The following SYT1 variants were observed in gnomAD, a reference collection of about 807,000 sequenced individuals.
The protein encoded by SYT1 is synaptotagmin-1.
Under a neutral mutation model 44.8 loss-of-function variants are expected in SYT1, and 8 were observed. The observed-to-expected ratio is 0.18, with a 90% CI of 0.10 to 0.32. The LOEUF is 0.32. Ranked by LOEUF, SYT1 falls within the 10% of genes least tolerant of loss-of-function variation. The pLI, the probability that SYT1 is intolerant of heterozygous loss-of-function variation, is 1.00. For synonymous variants in SYT1, 154 were observed against 188.8 expected, an observed-to-expected ratio of 0.82 and a Z score of 1.51; for missense variants, 286 against 509.3, an observed-to-expected ratio of 0.56 and a Z score of 4.22.
chr12:79,164,218 A>G (rs1479707707), intron 3 of SYT1, among the ~76,000 whole-genome samples: 1 of 152,098 alleles, frequency 6.6e-6, no homozygotes, highest in Non-Finnish European at 1.5e-5. Context: ...ACCATCGGGG[A>G]TAAATTACTG....
At chr12:79,160,834 T>A (rs1001112201) in intron 3 of SYT1, among the ~76,000 whole-genome samples, 1 of 152,020 alleles carries the variant, frequency 6.6e-6, no homozygotes, top group African/African-American at 2.4e-5. Flanking sequence ...ATAGTAAAGG[T>A]TTCAAGCATA....
intron 1 of SYT1, among the ~76,000 whole-genome samples, chr12:78,886,740 AG>A (rs1228865333): frequency 6.6e-6 from 1 of 152,036 alleles, no homozygotes; most frequent in Non-Finnish European, 1.5e-5. Context: ...CAGCCAAGAA[AG>A]ACCCACAAAA....
At chr12:79,172,119 A>G (rs1031177966) in intron 3 of SYT1, among the ~76,000 whole-genome samples, 1 of 152,046 alleles carries the variant, frequency 6.6e-6, no homozygotes, top group Non-Finnish European at 1.5e-5. Flanking sequence ...ATTTCTAAAT[A>G]GAGATATAAA....
At chr12:79,034,816 T>C (rs1379471858) in intron 2 of SYT1, among the ~76,000 whole-genome samples, 1 of 151,722 alleles carries the variant, frequency 6.6e-6, no homozygotes, top group Non-Finnish European at 1.5e-5. Context: ...TTTAAAAAGT[T>C]TTATTCTATT....
At chr12:79,248,724 T>C (rs1381398328) in intron 4 of SYT1, among the ~76,000 whole-genome samples, 2 of 152,160 alleles carry the variant, frequency 1.3e-5, no homozygotes, top group Non-Finnish European at 2.9e-5. Context: ...CTGGAATATA[T>C]CAGATTTCAG....
At chr12:78,945,441 C>T (rs973088185) in intron 1 of SYT1, among the ~76,000 whole-genome samples, 7 of 149,386 alleles carry the variant, frequency 4.7e-5, no homozygotes, top group Non-Finnish European at 8.9e-5. Flanking sequence ...TATATTCATA[C>T]ATATTTTACA....
intron 3 of SYT1, among the ~76,000 whole-genome samples, 166 bp from the exon 4 acceptor site, chr12:79,217,337 T>A (rs1465012877): frequency 6.6e-6 from 1 of 152,230 alleles, no homozygotes; most frequent in African/African-American, 2.4e-5. Flanking sequence ...CTCGCTGTGG[T>A]TCCATAAATA....
chr12:79,155,381 G>A (rs1349218269), intron 3 of SYT1, among the ~76,000 whole-genome samples: 1 of 152,108 alleles, frequency 6.6e-6, no homozygotes, highest in African/African-American at 2.4e-5. Flanking sequence ...TGGAAGGCAG[G>A]GACTCCCTAG....
chr12:79,329,052 C>T lies in SYT1; in HGVS notation c.811-24450C>T, dbSNP rs115108162. 1.8e-3 allele frequency among the ~76,000 whole-genome samples: 281 copies of T among 152,172 alleles called. 2 individuals carry two copies. Among genetic ancestry groups the T allele is most frequent in the African/African-American group, 6.5e-3 (269 of 41,524 alleles). Reference sequence around the variant, plus strand: ...CAGTTAGCAGCCAGGTATAACAAACCGCTACAATCATCCGCTCTTTATTGT... The same window carrying T: ...CAGTTAGCAGCCAGGTATAACAAACTGCTACAATCATCCGCTCTTTATTGT... On this transcript the variant is annotated intron_variant, in intron 8 of 10. Coordinates refer to ENST00000261205, the MANE Select transcript of SYT1 (RefSeq NM_005639.3).
At chr12:79,234,154 CCT>C (rs1876038213) in intron 4 of SYT1, among the ~76,000 whole-genome samples, 1 of 152,172 alleles carries the variant, frequency 6.6e-6, no homozygotes, top group Admixed American at 6.6e-5. Context: ...CAAGCCTCTG[CCT>C]CTGGCATTTT....
intron 4 of SYT1, among the ~76,000 whole-genome samples, chr12:79,222,086 GT>G (rs915429973): frequency 6.6e-6 from 1 of 152,036 alleles, no homozygotes; most frequent in Admixed American, 6.6e-5. Flanking sequence ...TCTGTTGGCA[GT>G]TTTTTTCTTC....
At chr12:79,295,297 T>C (rs1879827965) in intron 6 of SYT1, among the ~76,000 whole-genome samples, 1 of 152,142 alleles carries the variant, frequency 6.6e-6, no homozygotes, top group South Asian at 2.1e-4. Context: ...TACCTTAATA[T>C]TCATAATGAG....
chr12:79,381,657 G>C (rs1884228110), intron 9 of SYT1, among the ~76,000 whole-genome samples: 1 of 152,232 alleles, frequency 6.6e-6, no homozygotes, highest in Non-Finnish European at 1.5e-5. Flanking sequence ...TAAAGATTTA[G>C]ATAGTCCTGG....
chr12:79,239,451 C>A (rs1285918285), intron 4 of SYT1, among the ~76,000 whole-genome samples: 3 of 152,128 alleles, frequency 2.0e-5, no homozygotes, highest in Non-Finnish European at 2.9e-5. Context: ...AAAGTATGGA[C>A]TTTAGTTAAC....
chr12:78,878,193 G>T (rs77517663), intron 1 of SYT1, among the ~76,000 whole-genome samples: 2 of 151,492 alleles, frequency 1.3e-5, no homozygotes, highest in African/African-American at 4.8e-5. Flanking sequence ...GAGGATACAC[G>T]AAAGGAATAA....
rs910267528 is a variant in SYT1 at position 79,447,261 on chromosome 12, T to C, written c.1063-1657T>C. ...GGCAACTTTTCTAGTCTTCACCTTT[T>C]TCTAGAAAAAAATAATTGAGTATTT... On this transcript the variant is annotated intron_variant, in intron 10 of 10. Coordinates refer to ENST00000261205, the MANE Select transcript of SYT1 (RefSeq NM_005639.3). 2.4e-4 allele frequency among the ~76,000 whole-genome samples: 36 copies of C among 152,090 alleles called. No homozygotes were observed. The highest frequency in any genetic ancestry group is 7.7e-4 in the African/African-American group (32 of 41,430).
At chr12:79,173,972 C>G (rs1448467870) in intron 3 of SYT1, among the ~76,000 whole-genome samples, 1 of 151,754 alleles carries the variant, frequency 6.6e-6, no homozygotes, top group African/African-American at 2.4e-5. Context: ...TGTTGCTGGA[C>G]AAATGAAACC....
At chr12:78,948,958 ATAT>A (rs1878815605) in intron 1 of SYT1, among the ~76,000 whole-genome samples, 1 of 11,992 alleles carries the variant, frequency 8.3e-5, no homozygotes, top group Admixed American at 4.2e-4. Flanking sequence ...AAGGCCTATT[ATAT>A]TATATTATAT....
intron 9 of SYT1, among the ~76,000 whole-genome samples, chr12:79,361,391 A>G (rs1027915743): frequency 6.6e-6 from 1 of 152,198 alleles, no homozygotes. Flanking sequence ...TCCAATGAAT[A>G]AAACCTGATG....
Sources: gnomAD v4.1 joint callset for allele counts (sites outside exome capture counted in the v4.1 genomes callset) on GRCh38, gnomAD v4.1.1 for gene constraint, MANE v1.5 for transcripts, NCBI Gene and HGNC (gene_info 2026-07-23, HGNC 2026-07-21) for gene names.